The following FMN2 variants were observed in gnomAD, a reference collection of about 807,000 sequenced individuals.
FMN2 encodes the protein formin-2.
In FMN2, 51 loss-of-function variants were observed where a neutral mutation model predicts 142.3. The observed-to-expected ratio is 0.36, with a 90% CI of 0.29 to 0.45. The LOEUF is 0.45. FMN2 is among the 20% of genes least tolerant of loss of function. The probability of loss-of-function intolerance (pLI) is 1.00; values close to 1 mark genes in which losing one functional copy is unlikely to be tolerated. For missense variants in FMN2, 1,936 were observed against 2,122.8 expected (o/e 0.91, Z 1.73); for synonymous variants, 882 against 869.8 (o/e 1.01, Z -0.25).
rs139942673 is a variant in FMN2 at position 240,374,721 on chromosome 1, A to G, written c.4859-17790A>G. ...TAATCGGACCACTAAAAATTTTTCC[A>G]TCAGCAATAATGTTGTTTTTGCTTT... On this transcript the variant is annotated intron_variant, in intron 14 of 17. Transcript: ENST00000319653. Among the ~76,000 whole-genome samples, 859 of 152,272 alleles carry G rather than the reference A, an allele frequency of 5.6e-3. 7 individuals are homozygous for G. The highest frequency in any genetic ancestry group is 0.02 in the African/African-American group (814 of 41,542).
intron 2 of FMN2, 150 bp downstream of exon 2, chr1:240,123,495 T>G: frequency 2.0e-6 from 1 of 501,884 alleles, no homozygotes; most frequent in East Asian, 3.5e-5. Context: ...TCGGTATGTC[T>G]GTTTGTACAC....
At chr1:240,170,886 A>G (rs1038607447) in intron 2 of FMN2, 19 of 798,846 alleles carry the variant, frequency 2.4e-5, no homozygotes, top group Non-Finnish European at 4.1e-5. Context: ...GAGCCACTGA[A>G]TGTATGAACC....
intron 11 of FMN2, among the ~76,000 whole-genome samples, chr1:240,333,632 A>G (rs1370374557): frequency 6.6e-6 from 1 of 152,174 alleles, no homozygotes; most frequent in Non-Finnish European, 1.5e-5. Flanking sequence ...GAGGGGGGTA[A>G]CAGTTGGAAA....
At chr1:240,159,474 G>A (rs1664168240) in intron 2 of FMN2, among the ~76,000 whole-genome samples, 1 of 152,000 alleles carries the variant, frequency 6.6e-6, no homozygotes, top group Admixed American at 6.6e-5. Context: ...CTCTCTTTTG[G>A]TTATGGAGTT....
intron 14 of FMN2, among the ~76,000 whole-genome samples, chr1:240,383,457 A>G (rs1449009606): frequency 6.6e-6 from 1 of 152,204 alleles, no homozygotes; most frequent in African/African-American, 2.4e-5. Context: ...TTTCTTAAAG[A>G]AGACATATAA....
At chr1:240,265,670 G>A (rs1271207878) in intron 7 of FMN2, among the ~76,000 whole-genome samples, 3 of 152,092 alleles carry the variant, frequency 2.0e-5, no homozygotes. Context: ...AGACAGATTT[G>A]AATCTCAGCT....
chr1:240,330,193 A>G (rs755289541), intron 10 of FMN2, among the ~76,000 whole-genome samples: 38 of 152,202 alleles, frequency 2.5e-4, no homozygotes, highest in Non-Finnish European at 4.4e-4. Flanking sequence ...GATGCCAAAC[A>G]TTGGTATTGT....
At chr1:240,340,662 A>G (rs778688139) in intron 13 of FMN2, among the ~76,000 whole-genome samples, 7 of 152,272 alleles carry the variant, frequency 4.6e-5, no homozygotes, top group Non-Finnish European at 8.8e-5. Flanking sequence ...ACTTTTCATC[A>G]GTATTTTGAA....
At chr1:240,328,093 A>T (rs1396087647) in intron 8 of FMN2, among the ~76,000 whole-genome samples, 1 of 139,372 alleles carries the variant, frequency 7.2e-6, no homozygotes, top group Admixed American at 7.8e-5. Context: ...GGTTGTAGTG[A>T]GCAGATGTGG....
At chr1:240,366,775 TC>T (rs1469019174) in intron 14 of FMN2, among the ~76,000 whole-genome samples, 1 of 152,096 alleles carries the variant, frequency 6.6e-6, no homozygotes, top group African/African-American at 2.4e-5. Flanking sequence ...GGTCTCAAAC[TC>T]CCCACCTCAG....
intron 14 of FMN2, among the ~76,000 whole-genome samples, chr1:240,368,967 A>ATATATG (rs1672772197): frequency 6.6e-6 from 1 of 151,256 alleles, no homozygotes; most frequent in African/African-American, 2.4e-5. Flanking sequence ...ATATATATAT[A>ATATATG]TATATAAACA....
Position 240,169,755 on chromosome 1 carries a change from G to A in FMN2, c.1783-8166G>A, listed in dbSNP as rs77759990. Among the ~76,000 whole-genome samples, 144 of 152,258 alleles carry A rather than the reference G, an allele frequency of 9.5e-4. 2 individuals are homozygous for A. The East Asian group carries it at 0.019, about 20-fold the overall frequency. Reference sequence around the variant, plus strand: ...CTTCTGAAGTGCTGGAATTATAGGCGTGAGCCACCAGCACACCTGACCAGG... The same window carrying A: ...CTTCTGAAGTGCTGGAATTATAGGCATGAGCCACCAGCACACCTGACCAGG... On this transcript the variant is annotated intron_variant, in intron 2 of 17. Transcript: ENST00000319653.
chr1:240,318,266 G>C (rs1005150269), intron 8 of FMN2, among the ~76,000 whole-genome samples: 1 of 152,164 alleles, frequency 6.6e-6, no homozygotes, highest in African/African-American at 2.4e-5. Context: ...TGACAGTTCA[G>C]CTCTTCACTT....
chr1:240,439,270 C>CA lies in FMN2; in HGVS notation c.5060+1072dup, dbSNP rs58234038. On this transcript the variant is annotated intron_variant, in intron 16 of 17. Transcript: ENST00000319653. ...CCTGGACAACAGAGCAAGGCTGTCTCAAAAAAAAAAAAGAAAGAAAGAAAG... is the reference window on the plus strand; with the variant it reads ...CCTGGACAACAGAGCAAGGCTGTCTCAAAAAAAAAAAAAGAAAGAAAGAAAG... Among the ~76,000 whole-genome samples the CA allele has an allele frequency of 3.5e-3, 356 of 101,258 alleles. 4 individuals carry two copies. Among genetic ancestry groups the CA allele is most frequent in the African/African-American group, 0.014 (313 of 22,120 alleles). The allele number at this position is 101,258 out of a possible 152,430, so 66.4% of individuals were successfully genotyped here. A position where few individuals can be genotyped will look rare whatever the true frequency, so the allele number is the denominator to read the frequency against.
intron 13 of FMN2, among the ~76,000 whole-genome samples, chr1:240,346,728 G>C (rs79698432): frequency 0.014 from 2,083 of 150,456 alleles, 24 homozygotes; most frequent in African/African-American, 0.031. Flanking sequence ...TAGGCAACCA[G>C]TCAGGAATAT....
At chr1:240,330,436 AACTTTC>A (rs1671337736) in intron 10 of FMN2, among the ~76,000 whole-genome samples, 161 bp from the exon 11 acceptor site, 1 of 152,204 alleles carries the variant, frequency 6.6e-6, no homozygotes, top group Non-Finnish European at 1.5e-5. Context: ...AACTTTTACT[AACTTTC>A]AGGATACTGC....
At chr1:240,388,876 AAGG>A (rs1241298235) in intron 14 of FMN2, among the ~76,000 whole-genome samples, 1 of 144,110 alleles carries the variant, frequency 6.9e-6, no homozygotes, top group African/African-American at 2.8e-5. Flanking sequence ...AAAAAAAAAA[AAGG>A]GGGGGGGTCA....
chr1:240,361,141 G>GTGTATATA (rs1482884783), intron 14 of FMN2, among the ~76,000 whole-genome samples: 9 of 43,224 alleles, frequency 2.1e-4, no homozygotes, highest in Admixed American at 6.2e-4. Context: ...AAATATATGT[G>GTGTATATA]TATATATATA....
intron 2 of FMN2, chr1:240,144,427 C>G (rs1234385941): frequency 1.9e-6 from 3 of 1,603,160 alleles, no homozygotes; most frequent in Non-Finnish European, 1.7e-6. Context: ...TGATCTCTGT[C>G]AGGTGCTCAT....
Sources: gnomAD v4.1 joint callset for allele counts (sites outside exome capture counted in the v4.1 genomes callset) on GRCh38, gnomAD v4.1.1 for gene constraint, MANE v1.5 for transcripts, NCBI Gene and HGNC (gene_info 2026-07-23, HGNC 2026-07-21) for gene names.